The following SAMD4A variants were observed in gnomAD, a reference collection of about 807,000 sequenced individuals.
SAMD4A encodes the protein sterile alpha motif domain containing 4A, also known as protein Smaug homolog 1.
Under a neutral mutation model 81.3 loss-of-function variants are expected in SAMD4A, and 33 were observed. The observed-to-expected ratio is 0.41, with a 90% CI of 0.31 to 0.54. The LOEUF is 0.54. SAMD4A is among the 20% of genes least tolerant of loss of function. SAMD4A has a pLI of 0.37. For missense variants in SAMD4A, 854 were observed against 951.1 expected (o/e 0.90, Z 1.34); for synonymous variants, 389 against 382.1 (o/e 1.02, Z -0.21).
At chr14:54,735,729 G>C (rs2140921206) in intron 3 of SAMD4A, among the ~76,000 whole-genome samples, 2 of 152,326 alleles carry the variant, frequency 1.3e-5, no homozygotes, top group South Asian at 4.1e-4. Flanking sequence ...TTTATCTTTT[G>C]AAGTAGGGAA....
rs1594714957 is a variant in SAMD4A, at chr14:54,599,765, C to T, written c.196+31653C>T. Among the ~76,000 whole-genome samples the T allele has an allele frequency of 2.0e-5, 3 of 152,286 alleles. No individual in the cohort carries two copies. In the East Asian group the frequency reaches 5.8e-4, roughly 29 times the overall value. On this transcript the variant is annotated intron_variant, in intron 2 of 12. Transcript: ENST00000554335. ...AAATGTTACACGGATAAGCTGATAT[C>T]ATTGGTAGCAAGAGCAACACTATTC...
Position 54,702,119 on chromosome 14 carries a change from C to T in SAMD4A, c.254C>T (p.Thr85Ile). 1.2e-6 allele frequency: 2 copies of T among 1,614,152 alleles called. No individual in the cohort carries two copies. Among genetic ancestry groups the T allele is most frequent in the Non-Finnish European group, 1.7e-6 (2 of 1,180,008 alleles). The change falls in exon 3 of 13, where the codon ACT becomes ATT. Residue 85 changes from threonine (T) to isoleucine (I), a missense_variant. By Grantham distance (89) the Thr-to-Ile change is moderately conservative. This residue lies in a region of SAMD4A where 387 missense variants were observed against 405.8 expected (regional missense o/e 0.95). Coordinates refer to ENST00000554335, the MANE Select transcript of SAMD4A (RefSeq NM_015589.6). ...SKDKVISLLL[T>I]HLPLLKPGNL... ...GATAAAGTGATTTCCCTCCTGTTAACTCATCTGCCTTTGCTGAAGCCAGGA... is the reference window on the plus strand; with the variant it reads ...GATAAAGTGATTTCCCTCCTGTTAATTCATCTGCCTTTGCTGAAGCCAGGA...
intron 2 of SAMD4A, among the ~76,000 whole-genome samples, chr14:54,615,783 T>A (rs1470504649): frequency 2.2e-5 from 1 of 46,136 alleles, no homozygotes; most frequent in African/African-American, 6.9e-5. Flanking sequence ...ATTACTAATA[T>A]TTTAAGCATT....
chr14:54,735,469 C>T (rs1231641992), intron 3 of SAMD4A, among the ~76,000 whole-genome samples: 1 of 152,166 alleles, frequency 6.6e-6, no homozygotes, highest in Non-Finnish European at 1.5e-5. Context: ...GTTACTAATA[C>T]TAAACTCGGT....
rs187327834 is a variant in SAMD4A at position 54,626,321 on chromosome 14, A to G, written c.196+58209A>G. On this transcript the variant is annotated intron_variant, in intron 2 of 12. Transcript: ENST00000554335. ...TAATCTATATTTTAATGGCTTCTAA[A>G]TTGTCAATTGAGATGGTAATTAGTT... 9.7e-4 allele frequency among the ~76,000 whole-genome samples: 147 copies of G among 152,238 alleles called. 3 individuals carry two copies. The South Asian group carries it at 0.017, about 18-fold the overall frequency.
intron 3 of SAMD4A, among the ~76,000 whole-genome samples, chr14:54,712,553 AC>A: frequency 6.6e-6 from 1 of 152,128 alleles, no homozygotes; most frequent in East Asian, 1.9e-4. Flanking sequence ...CGATGTTGCC[AC>A]CGGCTGATCC....
chr14:54,627,792 G>A (rs2034802581), intron 2 of SAMD4A, among the ~76,000 whole-genome samples: 1 of 152,192 alleles, frequency 6.6e-6, no homozygotes, highest in Non-Finnish European at 1.5e-5. Flanking sequence ...GTAATATTAT[G>A]TATAAAATCC....
intron 2 of SAMD4A, among the ~76,000 whole-genome samples, chr14:54,658,875 G>A (rs2035580700): frequency 6.6e-6 from 1 of 152,208 alleles, no homozygotes; most frequent in South Asian, 2.1e-4. Context: ...ATTCGAGCAT[G>A]CCCGTGGCTG....
intron 2 of SAMD4A, among the ~76,000 whole-genome samples, chr14:54,655,146 C>T (rs1268384562): frequency 6.6e-6 from 1 of 152,170 alleles, no homozygotes; most frequent in Non-Finnish European, 1.5e-5. Context: ...CAGGAGGCTA[C>T]CCCATAAACA....
intron 3 of SAMD4A, among the ~76,000 whole-genome samples, chr14:54,721,674 G>C (rs900386464): frequency 2.0e-5 from 3 of 152,166 alleles, no homozygotes; most frequent in African/African-American, 7.2e-5. Flanking sequence ...CTAGAGCTCA[G>C]TTCTTCTCAT....
At chr14:54,584,322 G>A (rs950113981) in intron 2 of SAMD4A, among the ~76,000 whole-genome samples, 1 of 152,196 alleles carries the variant, frequency 6.6e-6, no homozygotes, top group Non-Finnish European at 1.5e-5. Context: ...GCATGTGCAG[G>A]AGTAGGAGAG....
chr14:54,780,374 A>G (rs1355484299), intron 11 of SAMD4A, among the ~76,000 whole-genome samples: 2 of 152,144 alleles, frequency 1.3e-5, no homozygotes, highest in African/African-American at 4.8e-5. Flanking sequence ...CACGCTGCAT[A>G]TATCTGGGAG....
chr14:54,581,379 G>C (rs566608240), intron 2 of SAMD4A, among the ~76,000 whole-genome samples: 4 of 152,194 alleles, frequency 2.6e-5, no homozygotes, highest in Non-Finnish European at 5.9e-5. Context: ...ATAAACACAT[G>C]GTTCTCTTGG....
At chr14:54,635,409 G>T (rs1018388760) in intron 2 of SAMD4A, among the ~76,000 whole-genome samples, 6 of 150,932 alleles carry the variant, frequency 4.0e-5, no homozygotes, top group Non-Finnish European at 1.5e-5. Context: ...TGGACAACAA[G>T]AATGAAACTC....
intron 2 of SAMD4A, among the ~76,000 whole-genome samples, chr14:54,631,497 G>A (rs1403700140): frequency 6.6e-6 from 1 of 152,058 alleles, no homozygotes; most frequent in Non-Finnish European, 1.5e-5. Flanking sequence ...GTCTGTTATT[G>A]AGCTCATTCC....
At chr14:54,687,665 G>T (rs1193845042) in intron 2 of SAMD4A, among the ~76,000 whole-genome samples, 2 of 152,118 alleles carry the variant, frequency 1.3e-5, no homozygotes, top group African/African-American at 4.8e-5. Flanking sequence ...GGGTCAGGAA[G>T]CTTCAGCACT....
At position 54,751,550 on chromosome 14, in the gene SAMD4A, A is replaced by G. The variant is rs2038101526; in HGVS notation, c.1176+13A>G. 6.6e-7 allele frequency: 1 copy of G among 1,514,466 alleles called. No homozygotes were observed. The highest frequency in any genetic ancestry group is 9.1e-7 in the Non-Finnish European group (1 of 1,093,634). The allele number at this position is 1,514,466 out of a possible 1,614,324, so 93.8% of individuals were successfully genotyped here. On this transcript the variant is annotated intron_variant, in intron 6 of 12. Transcript: ENST00000554335. ...GTCTTTGGAAAGGGTAAGTTATCGGATGAGGGAACATTTCCACTTTCATTA... is the reference window on the plus strand; with the variant it reads ...GTCTTTGGAAAGGGTAAGTTATCGGGTGAGGGAACATTTCCACTTTCATTA...
At chr14:54,694,902 A>G (rs2036539636) in intron 2 of SAMD4A, 1 of 985,572 alleles carries the variant, frequency 1.0e-6, no homozygotes, top group Middle Eastern at 5.2e-4. Flanking sequence ...CATGGAAGAA[A>G]TGACCAGATC....
chr14:54,575,528 G>A (rs1407428265), intron 2 of SAMD4A, among the ~76,000 whole-genome samples: 1 of 152,296 alleles, frequency 6.6e-6, no homozygotes, highest in South Asian at 2.1e-4. Context: ...TTGGAAGGCA[G>A]GGGGAGGAGA....
Sources: allele counts gnomAD v4.1 joint callset (sites outside exome capture counted in the v4.1 genomes callset), GRCh38; gene constraint gnomAD v4.1.1; regional missense constraint gnomAD v4.1.1; transcripts MANE v1.5; gene names NCBI Gene and HGNC (gene_info 2026-07-23, HGNC 2026-07-21).